Variants in ICMT observed in about 807,000 individuals in gnomAD.
The protein encoded by ICMT is protein-S-isoprenylcysteine O-methyltransferase.
ICMT carries 10 observed loss-of-function variants against 32.2 expected under a neutral mutation model. The ratio of observed to expected loss-of-function variants is 0.31; its 90% CI spans 0.19 to 0.53. The LOEUF (loss-of-function observed/expected upper bound fraction) is 0.53. Among genes scored for constraint, ICMT ranks in the 20% least tolerant of loss-of-function variants. The pLI is 0.96. For missense variants in ICMT, 265 were observed against 356.9 expected, an observed-to-expected ratio of 0.74 and a Z score of 2.07; for synonymous variants, 183 against 158.2, an observed-to-expected ratio of 1.16 and a Z score of -1.18.
chr1:6,230,614 G>C (rs1668719383), intron 4 of ICMT, among the ~76,000 whole-genome samples: 1 of 149,300 alleles, frequency 6.7e-6, no homozygotes, highest in Non-Finnish European at 1.5e-5. Context: ...AAAAAGCTGG[G>C]CACGGTGGCT....
At position 6,221,763 on chromosome 1, in the gene ICMT, G is replaced by A. The variant is rs1454959478; in HGVS notation, c.*3317C>T. The A allele has an allele frequency of 6.6e-6, 1 of 152,220 alleles. No individual in the cohort carries two copies. Among genetic ancestry groups the A allele is most frequent in the Non-Finnish European group, 1.5e-5 (1 of 68,044 alleles). 9.4% of individuals were successfully genotyped at this position (152,220 alleles called of 1,614,324 possible). A position where few individuals can be genotyped will look rare whatever the true frequency, so the allele number is the denominator to read the frequency against. On this transcript the variant is annotated 3_prime_UTR_variant, in exon 5 of 5. Transcript: ENST00000343813. ...GGGGTGGCAGGTGCGCTGCTGCCTTGTTTTCTGTCCTGCTAAGAGGCTCAC... is the reference window on the plus strand; with the variant it reads ...GGGGTGGCAGGTGCGCTGCTGCCTTATTTTCTGTCCTGCTAAGAGGCTCAC...
chr1:6,233,456 G>T lies in ICMT; in HGVS notation c.454+18C>A, dbSNP rs200747236. ...GCCACCCTTTTCCCCTCCAGAGGGG[G>T]ACATAAGGCACACGAACCTGGCCAA... is the stretch of plus-strand genomic sequence containing the variant. On this transcript the variant is annotated intron_variant, in intron 3 of 4. Coordinates refer to ENST00000343813, the MANE Select transcript of ICMT (RefSeq NM_012405.4). 6.2e-7 allele frequency: 1 copy of T among 1,608,358 alleles called. No homozygotes were observed. The highest frequency in any genetic ancestry group is 1.3e-5 in the African/African-American group (1 of 74,660).
intron 2 of ICMT, 121 bp from the exon 3 acceptor site, chr1:6,233,764 G>A: frequency 1.4e-6 from 1 of 723,754 alleles, no homozygotes; most frequent in Non-Finnish European, 2.2e-6. Context: ...CTGTCTGAGA[G>A]TGGACACAGG....
intron 2 of ICMT, 44 bp from the exon 3 acceptor site, chr1:6,233,687 A>C (rs1368400483): frequency 3.2e-6 from 5 of 1,552,266 alleles, no homozygotes; most frequent in Non-Finnish European, 3.5e-6. Flanking sequence ...CAAGAGAACC[A>C]AGTTAACCAT....
chr1:6,231,496 C>T (rs1668736224), intron 4 of ICMT, among the ~76,000 whole-genome samples: 1 of 150,106 alleles, frequency 6.7e-6, no homozygotes, highest in African/African-American at 2.5e-5. Flanking sequence ...CACTTAAGGC[C>T]AAGAGTTTGA....
In ICMT at chr1:6,231,942, G is replaced by A; in HGVS notation, c.632C>T (p.Pro211Leu). 1.3e-6 allele frequency: 2 copies of A among 1,598,994 alleles called. No homozygotes were observed. The highest frequency in any genetic ancestry group is 1.7e-6 in the Non-Finnish European group (2 of 1,168,308). ...TSGVYAWFRH[P>L]SYVGWFYWSI... is the part of the protein sequence containing the mutation. ...CCAGTAAAACCACCCGACGTAAGAA[G>A]GATGCCGAAACCAAGCGTACACTCC... Residue 211 changes from proline (P) to leucine (L), a missense_variant, in exon 4 of 5, where the codon CCT becomes CTT. By Grantham distance (98) the Pro-to-Leu change is moderately conservative. Around this residue, in one of 2 missense-constraint regions of ICMT, gnomAD observed 166 missense variants for 264.3 expected, o/e 0.63. Coordinates refer to ENST00000343813, the MANE Select transcript of ICMT (RefSeq NM_012405.4).
chr1:6,229,991 T>C (rs1298136393), intron 4 of ICMT, among the ~76,000 whole-genome samples: 1 of 144,534 alleles, frequency 6.9e-6, no homozygotes, highest in African/African-American at 2.6e-5. Flanking sequence ...CCTCAGTCTC[T>C]CGACTAGCTG....
Position 6,234,390 on chromosome 1 carries a change from G to A in ICMT, c.284+496C>T, listed in dbSNP as rs761287821. The stretch of plus-strand genomic sequence containing the variant: ...ATGGCTCAAAATATTGATAAGAGGA[G>A]ATAAAACTTTTTACCTTGAAGCCAC... On this transcript the variant is annotated intron_variant, in intron 2 of 4. Coordinates refer to ENST00000343813, the MANE Select transcript of ICMT (RefSeq NM_012405.4). 19 of 435,016 alleles carry A rather than the reference G, an allele frequency of 4.4e-5. No homozygotes were observed. The Admixed American group carries it at 5.5e-4, about 13-fold the overall frequency. The allele number at this position is 435,016 out of a possible 1,614,324, so 26.9% of individuals were successfully genotyped here.
Position 6,231,919 on chromosome 1 carries a change from A to C in ICMT, c.655T>G (p.Trp219Gly). ...TATTATACCTGAGTTCCAATACTCCAGTAAAACCACCCGACGTAAGAAGGA... is the reference window on the plus strand; with the variant it reads ...TATTATACCTGAGTTCCAATACTCCCGTAAAACCACCCGACGTAAGAAGGA... ...RHPSYVGWFYWSIGTQVMLCN... is the reference protein window; with the variant it reads ...RHPSYVGWFYGSIGTQVMLCN... The change falls in exon 4 of 5, where the codon TGG (tryptophan) becomes GGG (glycine). Residue 219 changes from tryptophan (W) to glycine (G), a missense_variant. Transcript: ENST00000343813. The C allele has an allele frequency of 6.3e-7, 1 of 1,589,076 alleles. No homozygotes were observed. The highest frequency in any genetic ancestry group is 8.6e-7 in the Non-Finnish European group (1 of 1,161,628).
intron 1 of ICMT, among the ~76,000 whole-genome samples, 189 bp from the exon 2 acceptor site, chr1:6,235,163 A>G (rs1668800746): frequency 6.6e-6 from 1 of 152,156 alleles, no homozygotes; most frequent in Non-Finnish European, 1.5e-5. Context: ...GGCCTCCCAA[A>G]TTATTTAACC....
At chr1:6,235,030 G>C (rs1668798420) in intron 1 of ICMT, 56 bp from the exon 2 acceptor site, 1 of 1,433,668 alleles carries the variant, frequency 7.0e-7, no homozygotes, top group Non-Finnish European at 9.8e-7. Flanking sequence ...TACAGATCTG[G>C]GCTGCTGACC....
intron 2 of ICMT, among the ~76,000 whole-genome samples, chr1:6,233,847 T>C (rs1668773896): frequency 1.3e-5 from 2 of 151,966 alleles, no homozygotes; most frequent in Admixed American, 6.6e-5. Flanking sequence ...TTGTTTCTGG[T>C]GTTTTGTTTT....
chr1:6,229,010 G>A (rs1164239205), intron 4 of ICMT, among the ~76,000 whole-genome samples: 1 of 147,916 alleles, frequency 6.8e-6, no homozygotes, highest in Non-Finnish European at 1.5e-5. Flanking sequence ...TCCAGCCTGG[G>A]CGACAAAGTG....
rs1239550967 is a variant in ICMT at position 6,235,714 on chromosome 1, C to T, written c.195+3G>A. On this transcript the variant is annotated splice_donor_region_variant and intron_variant, in intron 1 of 4. Coordinates refer to ENST00000343813, the MANE Select transcript of ICMT (RefSeq NM_012405.4). ...GCCCCCGCCGGCCCCCGCCGGCCTG[C>T]ACCTGGTAGCGAGGCGGCCGATAGA... The T allele has an allele frequency of 2.8e-5, 36 of 1,263,584 alleles. No individual in the cohort carries two copies. The highest frequency in any genetic ancestry group is 3.6e-5 in the Non-Finnish European group (36 of 997,282). 78.3% of individuals were successfully genotyped at this position (1,263,584 alleles called of 1,614,324 possible).
At chr1:6,228,852 C>A (rs1026106812) in intron 4 of ICMT, among the ~76,000 whole-genome samples, 3 of 151,100 alleles carry the variant, frequency 2.0e-5, no homozygotes, top group Admixed American at 2.0e-4. Context: ...CACAGTGAAA[C>A]CCCTACTAAA....
At chr1:6,228,651 G>A (rs949622280) in intron 4 of ICMT, among the ~76,000 whole-genome samples, 1 of 151,930 alleles carries the variant, frequency 6.6e-6, no homozygotes, top group Non-Finnish European at 1.5e-5. Context: ...CAGCCAAGCT[G>A]GTTTCTAATT....
intron 4 of ICMT, among the ~76,000 whole-genome samples, chr1:6,231,375 C>A (rs1668733503): frequency 1.3e-5 from 2 of 151,924 alleles, no homozygotes; most frequent in Non-Finnish European, 2.9e-5. Flanking sequence ...CTGTCCTCAC[C>A]CCCTCTGGGG....
Position 6,235,796 on chromosome 1 carries a change from T to C in ICMT, c.116A>G (p.Gln39Arg), listed in dbSNP as rs1346540236. Residue 39 changes from glutamine to arginine, a missense_variant, in exon 1 of 5, where the codon CAG (glutamine) becomes CGG (arginine). By Grantham distance (43) the Gln-to-Arg change is conservative. Around this residue, in one of 2 missense-constraint regions of ICMT, gnomAD observed 99 missense variants for 92.6 expected, o/e 1.07. Transcript: ENST00000343813. Reference protein sequence around the residue: ...ALPLLTRAGLQGRTGLALYVA... With the variant: ...ALPLLTRAGLRGRTGLALYVA... ...GTAGAGCGCCAGCCCGGTGCGGCCCTGCAGGCCGGCGCGCGTGAGCAGCGG... is the reference window on the plus strand; with the variant it reads ...GTAGAGCGCCAGCCCGGTGCGGCCCCGCAGGCCGGCGCGCGTGAGCAGCGG... 1 of 1,328,388 alleles carries C rather than the reference T, an allele frequency of 7.5e-7. No homozygotes were observed. The highest frequency in any genetic ancestry group is 9.7e-7 in the Non-Finnish European group (1 of 1,030,200). The allele number at this position is 1,328,388 out of a possible 1,614,324, so 82.3% of individuals were successfully genotyped here.
At position 6,235,919 on chromosome 1, in the gene ICMT, G is replaced by A; in HGVS notation, c.-8C>T. 1.8e-6 allele frequency: 2 copies of A among 1,112,896 alleles called. No homozygotes were observed. Among genetic ancestry groups the A allele is most frequent in the Non-Finnish European group, 2.2e-6 (2 of 912,624 alleles). 68.9% of individuals were successfully genotyped at this position (1,112,896 alleles called of 1,614,324 possible). On this transcript the variant is annotated 5_prime_UTR_variant, in exon 1 of 5. Coordinates refer to ENST00000343813, the MANE Select transcript of ICMT (RefSeq NM_012405.4). ...CGCCGCGCAGCCCGCCATGGCGCCG[G>A]GCGGCGGACTAGCGGGCGGCGGCGC...
Sources: gnomAD v4.1 joint callset for allele counts (sites outside exome capture counted in the v4.1 genomes callset) on GRCh38, gnomAD v4.1.1 for gene constraint, gnomAD v4.1.1 regional missense constraint, MANE v1.5 for transcripts, NCBI Gene and HGNC (gene_info 2026-07-23, HGNC 2026-07-21) for gene names.